Variants in TMCO4 observed in about 807,000 individuals in gnomAD.
TMCO4 encodes the protein transmembrane and coiled-coil domain-containing protein 4.
TMCO4 carries 58 observed loss-of-function variants against 64.7 expected under a neutral mutation model. That is an observed-to-expected ratio of 0.90 (90% CI 0.73 to 1.12). The LOEUF (loss-of-function observed/expected upper bound fraction) is 1.12. TMCO4 is among the 50% of genes most tolerant of loss of function. The pLI, the probability that TMCO4 is intolerant of heterozygous loss-of-function variation, is 0.00. For missense variants in TMCO4, 780 were observed against 825.9 expected (o/e 0.94, Z 0.68); for synonymous variants, 325 against 346.1 (o/e 0.94, Z 0.68).
intron 7 of TMCO4, among the ~76,000 whole-genome samples, chr1:19,747,654 T>C (rs979067430): frequency 2.6e-5 from 4 of 152,202 alleles, no homozygotes; most frequent in African/African-American, 9.7e-5. Context: ...ACCTGCCATC[T>C]GATCCCACCT....
chr1:19,786,493 T>C (rs184045914), intron 3 of TMCO4, among the ~76,000 whole-genome samples: 207 of 151,952 alleles, frequency 1.4e-3, no homozygotes, highest in African/African-American at 4.7e-3. Context: ...GACCCAGAGG[T>C]AGAGGAGAAA....
chr1:19,737,662 G>A (rs1465480938), intron 12 of TMCO4, among the ~76,000 whole-genome samples: 3 of 152,244 alleles, frequency 2.0e-5, no homozygotes, highest in Non-Finnish European at 4.4e-5. Context: ...CCTGCTGCTG[G>A]AATTGGCTTC....
intron 5 of TMCO4, 22 bp downstream of exon 5, chr1:19,771,286 C>A: frequency 6.2e-7 from 1 of 1,607,484 alleles, no homozygotes. Flanking sequence ...CCCCAGCAGC[C>A]ACCACCAGGT....
intron 13 of TMCO4, among the ~76,000 whole-genome samples, chr1:19,714,335 A>C (rs1396391065): frequency 4.6e-5 from 7 of 152,030 alleles, no homozygotes. Context: ...GTTACATTTG[A>C]TTTATTTTCA....
At chr1:19,789,408 C>CAAAT (rs542002434) in intron 2 of TMCO4, among the ~76,000 whole-genome samples, 3,521 of 151,874 alleles carry the variant, frequency 0.023, 145 homozygotes, top group African/African-American at 0.081. Flanking sequence ...GACTCTGCCT[C>CAAAT]AAATAAATAA....
At chr1:19,786,035 G>T (rs2043725197) in intron 3 of TMCO4, among the ~76,000 whole-genome samples, 1 of 152,132 alleles carries the variant, frequency 6.6e-6, no homozygotes, top group African/African-American at 2.4e-5. Flanking sequence ...GAGGCAGGAG[G>T]ACTGCAGGAG....
At chr1:19,750,182 C>T (rs1322265229) in intron 7 of TMCO4, 2 of 152,202 alleles carry the variant, frequency 1.3e-5, no homozygotes, top group Non-Finnish European at 2.9e-5. Flanking sequence ...CCTGAACTGC[C>T]TTGACCCTTA....
At chr1:19,740,006 G>A in intron 11 of TMCO4, 46 bp from the exon 12 acceptor site, 1 of 1,569,776 alleles carries the variant, frequency 6.4e-7, no homozygotes, top group Non-Finnish European at 8.7e-7. Flanking sequence ...CTGTCCTAGG[G>A]TCCTACTAGG....
At chr1:19,744,633 T>C (rs1220802189) in intron 10 of TMCO4, among the ~76,000 whole-genome samples, 2 of 152,174 alleles carry the variant, frequency 1.3e-5, no homozygotes, top group African/African-American at 4.8e-5. Context: ...TCTGCCTCCC[T>C]GCTGCAGCCA....
intron 12 of TMCO4, 121 bp downstream of exon 12, chr1:19,739,703 C>G (rs774642746): frequency 5.8e-5 from 83 of 1,439,708 alleles, no homozygotes; most frequent in Non-Finnish European, 7.5e-5. Context: ...ACTGCCCACA[C>G]CCCCAAAACC....
chr1:19,745,273 T>C (rs1316772187), intron 10 of TMCO4, among the ~76,000 whole-genome samples: 1 of 98,452 alleles, frequency 1.0e-5, no homozygotes, highest in Non-Finnish European at 1.9e-5. Context: ...GATGGATGGG[T>C]AAACAGGTAA....
In TMCO4 at chr1:19,732,716, C is replaced by T. The variant is rs2095435294; in HGVS notation, c.1264+4656G>A. Among the ~76,000 whole-genome samples, 1 of 151,508 alleles carries T rather than the reference C, an allele frequency of 6.6e-6. No homozygotes were observed. Among genetic ancestry groups the T allele is most frequent in the Non-Finnish European group, 1.5e-5 (1 of 67,842 alleles). ...GACCAGCCTCGGCAACACAGGGAGA[C>T]CCTGTCTTTAAAAAAATGAAGAATG... On this transcript the variant is annotated intron_variant, in intron 13 of 15. Coordinates refer to ENST00000294543, the MANE Select transcript of TMCO4 (RefSeq NM_181719.7). This position sits in a 1 kb window ranked among gnomAD's most constrained non-coding sequence, Gnocchi z 4.8.
At chr1:19,718,444 G>A (rs914579691) in intron 13 of TMCO4, among the ~76,000 whole-genome samples, 2 of 151,870 alleles carry the variant, frequency 1.3e-5, no homozygotes, top group African/African-American at 4.8e-5. Context: ...CTTGAGGCCA[G>A]GAGTTTGAGA....
chr1:19,696,577 T>TA (rs1021303626), intron 14 of TMCO4, among the ~76,000 whole-genome samples: 8 of 135,162 alleles, frequency 5.9e-5, no homozygotes, highest in African/African-American at 1.9e-4. Flanking sequence ...AAAACTAAAA[T>TA]AAAAAAAATT....
At chr1:19,733,109 T>C (rs914179929) in intron 13 of TMCO4, among the ~76,000 whole-genome samples, 2 of 151,760 alleles carry the variant, frequency 1.3e-5, no homozygotes, top group African/African-American at 4.8e-5. Flanking sequence ...CTACTAAAAA[T>C]ACAAAAAATT....
In TMCO4 at chr1:19,690,866, CT is replaced by C. The variant is rs34764589; in HGVS notation, c.1500+3567del. On this transcript the variant is annotated intron_variant, in intron 15 of 15. Coordinates refer to ENST00000294543, the MANE Select transcript of TMCO4 (RefSeq NM_181719.7). ...TGAGCCAAGTCTATCTGTGAAGACT[CT>C]TTTTTTTTTTTTTTTTTTTGAAACA... 6.6e-3 allele frequency among the ~76,000 whole-genome samples: 734 copies of C among 111,266 alleles called. 4 individuals carry two copies. The highest frequency in any genetic ancestry group is 0.026 in the East Asian group (110 of 4,174). 73.0% of individuals were successfully genotyped at this position (111,266 alleles called of 152,430 possible).
rs1047925566 is a variant in TMCO4 at position 19,798,716 on chromosome 1, C to A, written c.-179-501G>T. Among the ~76,000 whole-genome samples the A allele has an allele frequency of 3.3e-5, 5 of 152,318 alleles. No homozygotes were observed. In the South Asian group the frequency reaches 8.3e-4, roughly 25 times the overall value. ...ACAGTTGGGGAAATGCCAGTGGTCT[C>A]CCCTGTGCCCAGCCCTCCCTCCCCA... On this transcript the variant is annotated intron_variant, in intron 1 of 15. Coordinates refer to ENST00000294543, the MANE Select transcript of TMCO4 (RefSeq NM_181719.7).
At chr1:19,745,779 T>C (rs932339478) in intron 9 of TMCO4, 128 bp from the exon 10 acceptor site, 7 of 1,287,156 alleles carry the variant, frequency 5.4e-6, no homozygotes, top group Non-Finnish European at 7.4e-6. Flanking sequence ...GAAAAACACA[T>C]TTTGTGTTTG....
intron 13 of TMCO4, among the ~76,000 whole-genome samples, chr1:19,722,626 T>C (rs1224418215): frequency 2.0e-5 from 3 of 147,562 alleles, no homozygotes; most frequent in Non-Finnish European, 4.7e-5. Context: ...GCATATACTT[T>C]ATAGTTTAGG....
Sources: gnomAD v4.1 joint callset for allele counts (sites outside exome capture counted in the v4.1 genomes callset) on GRCh38, gnomAD v4.1.1 for gene constraint, Gnocchi (gnomAD v3.1) non-coding constraint, MANE v1.5 for transcripts, NCBI Gene and HGNC (gene_info 2026-07-23, HGNC 2026-07-21) for gene names.